The following ADCY2 variants were observed in gnomAD, a reference collection of about 807,000 sequenced individuals.
ADCY2 encodes adenylate cyclase 2, also known as adenylate cyclase type 2.
In ADCY2, 31 loss-of-function variants were observed where a neutral mutation model predicts 125.2. The ratio of observed to expected loss-of-function variants is 0.25; its 90% CI spans 0.19 to 0.33. The LOEUF (loss-of-function observed/expected upper bound fraction) is 0.33. Among genes scored for constraint, ADCY2 ranks in the 10% least tolerant of loss-of-function variants. The pLI is 1.00. For synonymous variants in ADCY2, 512 were observed against 548.4 expected (o/e 0.93, Z 0.93); for missense variants, 904 against 1,418.2 (o/e 0.64, Z 5.82).
At chr5:7,517,270 T>C (rs1744284629) in intron 2 of ADCY2, among the ~76,000 whole-genome samples, 1 of 152,114 alleles carries the variant, frequency 6.6e-6, no homozygotes, top group African/African-American at 2.4e-5. Context: ...TCTGCACTCT[T>C]TAGCCTCTGG....
chr5:7,718,516 G>C lies in ADCY2; in HGVS notation c.1703+1279G>C, dbSNP rs1250946267. Among the ~76,000 whole-genome samples, 9 of 152,246 alleles carry C rather than the reference G, an allele frequency of 5.9e-5. No homozygotes were observed. The East Asian group carries it at 9.7e-4, about 16-fold the overall frequency. ...GCTTATGAAAGAATCGCATGAGTGT[G>C]ATATGTGTGTCTATGGTGGGTGTGT... is the stretch of plus-strand genomic sequence containing the variant. On this transcript the variant is annotated intron_variant, in intron 12 of 24. Transcript: ENST00000338316.
rs188983934 is a variant in ADCY2, at chr5:7,665,885, C to G, written c.721-24806C>G. On this transcript the variant is annotated intron_variant, in intron 4 of 24. Coordinates refer to ENST00000338316, the MANE Select transcript of ADCY2 (RefSeq NM_020546.3). ...ACAGAATCTCGCTCTGTAGCCCAGG[C>G]TGGAGTGCAGTGGTGCCATCTCGGC... Among the ~76,000 whole-genome samples, 446 of 111,140 alleles carry G rather than the reference C, an allele frequency of 4.0e-3. 4 individuals are homozygous for G. Among genetic ancestry groups the G allele is most frequent in the African/African-American group, 0.015 (424 of 28,168 alleles). The allele number at this position is 111,140 out of a possible 152,430, so 72.9% of individuals were successfully genotyped here.
rs560898239 is a variant in ADCY2 at position 7,588,833 on chromosome 5, G to T, written c.571-37334G>T. On this transcript the variant is annotated intron_variant, in intron 3 of 24. Transcript: ENST00000338316. ...AGCTGCAGGACTGATTTGGCCTGCA[G>T]TTTGTAGTTTGCCAATCCCTGGAAT... Among the ~76,000 whole-genome samples the T allele has an allele frequency of 3.9e-4, 60 of 152,318 alleles. No individual in the cohort carries two copies. The South Asian group carries it at 5.0e-3, about 13-fold the overall frequency.
chr5:7,419,321 A>G (rs567552537), intron 2 of ADCY2, among the ~76,000 whole-genome samples: 1 of 152,258 alleles, frequency 6.6e-6, no homozygotes, highest in South Asian at 2.1e-4. Context: ...CATGGGGAGA[A>G]TACAGATGCA....
intron 11 of ADCY2, among the ~76,000 whole-genome samples, chr5:7,714,368 T>C (rs1173477763): frequency 6.6e-6 from 1 of 152,228 alleles, no homozygotes; most frequent in East Asian, 1.9e-4. Flanking sequence ...GGGTAATGTG[T>C]CATGGAACCC....
chr5:7,820,437 T>C (rs326163), intron 23 of ADCY2, 128 bp from the exon 24 acceptor site: 1 of 1,211,482 alleles, frequency 8.3e-7, no homozygotes, highest in African/African-American at 1.5e-5. Flanking sequence ...AAGGTTGCAG[T>C]CAGCCAAGAT....
At chr5:7,593,620 C>T (rs1736916131) in intron 3 of ADCY2, among the ~76,000 whole-genome samples, 1 of 152,136 alleles carries the variant, frequency 6.6e-6, no homozygotes, top group Non-Finnish European at 1.5e-5. Context: ...CTGGGACTGT[C>T]CTTGTTATGG....
At chr5:7,589,505 A>AGAAAGAAAGAAAGAAAGAAAGAAAGAAAG in intron 3 of ADCY2, among the ~76,000 whole-genome samples, 1 of 67,018 alleles carries the variant, frequency 1.5e-5, no homozygotes, top group Non-Finnish European at 3.7e-5. Flanking sequence ...AAAGAAAGAA[A>AGAAAGAAAGAAAGAAAGAAAGAAAGAAAG]GAAAGAAAAG....
chr5:7,760,807 A>G (rs569801023), intron 16 of ADCY2, among the ~76,000 whole-genome samples: 3 of 152,290 alleles, frequency 2.0e-5, no homozygotes, highest in Non-Finnish European at 1.5e-5. Context: ...ATACAACAGA[A>G]TATTATTAAC....
chr5:7,413,761 T>C (rs1739824569), intron 1 of ADCY2, among the ~76,000 whole-genome samples: 1 of 152,184 alleles, frequency 6.6e-6, no homozygotes, highest in Non-Finnish European at 1.5e-5. Context: ...CCCAGGCTTG[T>C]GTAATCAAAT....
At chr5:7,736,230 T>C (rs945297312) in intron 14 of ADCY2, among the ~76,000 whole-genome samples, 1 of 152,126 alleles carries the variant, frequency 6.6e-6, no homozygotes, top group Admixed American at 6.6e-5. Context: ...AAAAAAAAAT[T>C]AAAAATGAAA....
At chr5:7,689,172 C>T (rs72710495) in intron 4 of ADCY2, among the ~76,000 whole-genome samples, 305 of 152,240 alleles carry the variant, frequency 2.0e-3, no homozygotes, top group East Asian at 3.5e-3. Context: ...TCTCTGGTAT[C>T]ATATCATTCA....
intron 4 of ADCY2, among the ~76,000 whole-genome samples, chr5:7,649,848 C>T (rs2388913): frequency 0.63 from 95,183 of 151,888 alleles, 30,254 homozygotes; most frequent in Non-Finnish European, 0.65. Flanking sequence ...CTCTTTACCC[C>T]TCTAGGTAAA....
chr5:7,493,884 T>C (rs1743254566), intron 2 of ADCY2, among the ~76,000 whole-genome samples: 1 of 151,932 alleles, frequency 6.6e-6, no homozygotes, highest in Non-Finnish European at 1.5e-5. Context: ...CTGAGTCAAA[T>C]AAGTGCAAGT....
At chr5:7,782,083 G>A (rs115294158) in intron 18 of ADCY2, 1,705 of 165,316 alleles carry the variant, frequency 0.01, 28 homozygotes, top group African/African-American at 0.039. Flanking sequence ...AAAGGCAGCC[G>A]TGTTTTGGTA....
rs530639895 is a variant in ADCY2 at position 7,396,368 on chromosome 5, C to T, written c.72C>T (p.Asp24=). 70 of 1,553,750 alleles carry T rather than the reference C, an allele frequency of 4.5e-5. No homozygotes were observed. In the East Asian group the frequency reaches 1.1e-3, roughly 24 times the overall value. ...CCGAGGAGGCGGCGGGCGGCGGAGA[C>T]GGGCTGCCGCGGTCCCGGGACTGGC... is the stretch of plus-strand genomic sequence containing the variant. ...DRSEEAAGGG[D]GLPRSRDWLY... The change falls in exon 1 of 25, where the codon GAC becomes GAT. Residue 24 remains aspartate (D), a synonymous_variant. Coordinates refer to ENST00000338316, the MANE Select transcript of ADCY2 (RefSeq NM_020546.3). The surrounding 1 kb of genome is among the most constrained non-coding windows in gnomAD (Gnocchi z 5.7).
intron 4 of ADCY2, among the ~76,000 whole-genome samples, chr5:7,678,197 C>T (rs1052214404): frequency 6.6e-6 from 1 of 152,140 alleles, no homozygotes; most frequent in Non-Finnish European, 1.5e-5. Context: ...TTCACTTTGG[C>T]AGGGCTGCAG....
At chr5:7,509,512 C>G (rs1743974704) in intron 2 of ADCY2, among the ~76,000 whole-genome samples, 1 of 152,074 alleles carries the variant, frequency 6.6e-6, no homozygotes, top group African/African-American at 2.4e-5. Context: ...TGACATACCT[C>G]CTACCTATTT....
Position 7,606,759 on chromosome 5 carries a change from T to C in ADCY2, c.571-19408T>C, listed in dbSNP as rs891894760. Among the ~76,000 whole-genome samples, 3 of 152,226 alleles carry C rather than the reference T, an allele frequency of 2.0e-5. No individual in the cohort carries two copies. The South Asian group carries it at 6.2e-4, about 32-fold the overall frequency. ...TATTTTTCGTTTATCACCGAAGCTA[T>C]GGAATATTTGCTATTTGCTTTCGGA... On this transcript the variant is annotated intron_variant, in intron 3 of 24. Coordinates refer to ENST00000338316, the MANE Select transcript of ADCY2 (RefSeq NM_020546.3).
Sources: allele counts gnomAD v4.1 joint callset (sites outside exome capture counted in the v4.1 genomes callset), GRCh38; gene constraint gnomAD v4.1.1; non-coding constraint Gnocchi (gnomAD v3.1); transcripts MANE v1.5; gene names NCBI Gene and HGNC (gene_info 2026-07-23, HGNC 2026-07-21).